The following NAA60 variants were observed in gnomAD, a reference collection of about 807,000 sequenced individuals.
NAA60 encodes the protein N-alpha-acetyltransferase 60.
NAA60 carries 8 observed loss-of-function variants against 26.1 expected under a neutral mutation model. The ratio of observed to expected loss-of-function variants is 0.31; its 90% CI spans 0.18 to 0.55. The LOEUF is 0.55. Among genes scored for constraint, NAA60 ranks in the 20% least tolerant of loss-of-function variants. The probability of loss-of-function intolerance (pLI) is 0.93; values close to 1 mark genes in which losing one functional copy is unlikely to be tolerated. For synonymous variants in NAA60, 131 were observed against 122.5 expected (o/e 1.07, Z -0.46); for missense variants, 290 against 311.3 (o/e 0.93, Z 0.51).
chr16:3,451,043 G>C (rs915951165), intron 2 of NAA60, among the ~76,000 whole-genome samples: 1 of 152,190 alleles, frequency 6.6e-6, no homozygotes, highest in African/African-American at 2.4e-5. Flanking sequence ...CATTTACTCT[G>C]TTCCATTCTA....
In NAA60 at chr16:3,449,426, G is replaced by A. The variant is rs570520373; in HGVS notation, c.-7+886G>A. Among the ~76,000 whole-genome samples, 6 of 152,256 alleles carry A rather than the reference G, an allele frequency of 3.9e-5. No individual in the cohort carries two copies. The East Asian group carries it at 1.2e-3, about 29-fold the overall frequency. On this transcript the variant is annotated intron_variant, in intron 2 of 7. Coordinates refer to ENST00000407558, the MANE Select transcript of NAA60 (RefSeq NM_001083601.3). ...CCAGCTACTTGGGAGGCTGAGGCAG[G>A]AGAATGGTGTGAACCTGGGAGGTGA... is the stretch of plus-strand genomic sequence containing the variant.
Position 3,478,880 on chromosome 16 carries a change from A to G in NAA60, c.111-591A>G, listed in dbSNP as rs567532763. ...ATCTTCACTCACCTGGTGGAGGAACAGGGCCCTGCTGCTGACTCTCCATGA... is the reference window on the plus strand; with the variant it reads ...ATCTTCACTCACCTGGTGGAGGAACGGGGCCCTGCTGCTGACTCTCCATGA... On this transcript the variant is annotated intron_variant, in intron 3 of 7. Coordinates refer to ENST00000407558, the MANE Select transcript of NAA60 (RefSeq NM_001083601.3). Among the ~76,000 whole-genome samples the G allele has an allele frequency of 2.0e-5, 3 of 152,278 alleles. No individual in the cohort carries two copies. The South Asian group carries it at 6.2e-4, about 32-fold the overall frequency.
At chr16:3,470,458 G>A (rs562854135) in intron 2 of NAA60, among the ~76,000 whole-genome samples, 1 of 152,342 alleles carries the variant, frequency 6.6e-6, no homozygotes, top group African/African-American at 2.4e-5. Flanking sequence ...ATGACCCAGG[G>A]CGTCAGCAGG....
rs951275287 is a variant in NAA60 at position 3,448,299 on chromosome 16, G to C, written c.-76-172G>C. ...AAAAAAAAAAAAAAAAAAAACATGGGTTGCTTTGTAGTTTAGAGAACTACA... is the reference window on the plus strand; with the variant it reads ...AAAAAAAAAAAAAAAAAAAACATGGCTTGCTTTGTAGTTTAGAGAACTACA... On this transcript the variant is annotated intron_variant, in intron 1 of 7. Coordinates refer to ENST00000407558, the MANE Select transcript of NAA60 (RefSeq NM_001083601.3). Among the ~76,000 whole-genome samples, 3 of 151,022 alleles carry C rather than the reference G, an allele frequency of 2.0e-5. No individual in the cohort carries two copies. The South Asian group carries it at 6.3e-4, about 32-fold the overall frequency.
intron 4 of NAA60, among the ~76,000 whole-genome samples, chr16:3,479,888 C>G (rs1026144116): frequency 6.6e-6 from 1 of 152,172 alleles, no homozygotes; most frequent in African/African-American, 2.4e-5. Flanking sequence ...TCTGCAGTTA[C>G]AACGTGCTAT....
chr16:3,468,653 C>G (rs1439154190), intron 2 of NAA60, among the ~76,000 whole-genome samples: 2 of 152,238 alleles, frequency 1.3e-5, no homozygotes, highest in Non-Finnish European at 2.9e-5. Context: ...CAAGCAGGAT[C>G]AGTGCCTCCC....
intron 7 of NAA60, 149 bp downstream of exon 7, chr16:3,485,210 G>A (rs1270672863): frequency 1.4e-6 from 1 of 695,634 alleles, no homozygotes; most frequent in East Asian, 2.8e-5. Context: ...CAGCCCAGAG[G>A]TTTGGTGACT....
chr16:3,444,659 A>G (rs972383789), intron 1 of NAA60, among the ~76,000 whole-genome samples: 2 of 152,224 alleles, frequency 1.3e-5, no homozygotes, highest in Non-Finnish European at 2.9e-5. Flanking sequence ...CAAGTAACAG[A>G]AAACCCACCG....
At chr16:3,478,882 G>A (rs1033724303) in intron 3 of NAA60, among the ~76,000 whole-genome samples, 1 of 152,060 alleles carries the variant, frequency 6.6e-6, no homozygotes, top group Non-Finnish European at 1.5e-5. Flanking sequence ...GGAGGAACAG[G>A]GCCCTGCTGC....
chr16:3,464,304 C>T (rs577546769), intron 2 of NAA60, among the ~76,000 whole-genome samples: 1 of 152,278 alleles, frequency 6.6e-6, no homozygotes, highest in South Asian at 2.1e-4. Context: ...TGAGCCACCA[C>T]GCCCAGCTAG....
intron 2 of NAA60, chr16:3,456,736 G>GA (rs1278059415): frequency 2.6e-5 from 4 of 152,196 alleles, no homozygotes; most frequent in East Asian, 3.9e-4. Flanking sequence ...TTTTTAAAAG[G>GA]AGAAGATGGC....
At chr16:3,470,381 C>T (rs540755596) in intron 2 of NAA60, among the ~76,000 whole-genome samples, 11 of 152,174 alleles carry the variant, frequency 7.2e-5, no homozygotes, top group East Asian at 1.9e-4. Context: ...ACAGAGCTCC[C>T]GTCACAGCGG....
intron 7 of NAA60, 125 bp from the exon 8 acceptor site, chr16:3,485,342 G>T (rs2037098829): frequency 6.2e-6 from 3 of 486,840 alleles, no homozygotes; most frequent in South Asian, 4.6e-5. Context: ...AGACACCATG[G>T]CCTGGAGAAG....
In NAA60 at chr16:3,486,335, G is replaced by A. The variant is rs1223271967; in HGVS notation, c.*1075G>A. On this transcript the variant is annotated 3_prime_UTR_variant, in exon 8 of 8. Coordinates refer to ENST00000407558, the MANE Select transcript of NAA60 (RefSeq NM_001083601.3). ...GGGGTGGGGTGGGGGGCGGAGTCCC[G>A]CCCAGCATAGCTGCAGTGTCACAAA... The A allele has an allele frequency of 2.6e-5, 4 of 155,160 alleles. No homozygotes were observed. Among genetic ancestry groups the A allele is most frequent in the South Asian group, 4.0e-4 (2 of 5,018 alleles). The allele number at this position is 155,160 out of a possible 1,614,324, so 9.6% of individuals were successfully genotyped here. A position where few individuals can be genotyped will look rare whatever the true frequency, so the allele number is the denominator to read the frequency against.
At chr16:3,445,274 CTCTT>C (rs1186340025) in intron 1 of NAA60, among the ~76,000 whole-genome samples, 3 of 125,528 alleles carry the variant, frequency 2.4e-5, no homozygotes, top group African/African-American at 6.9e-5. Context: ...TTGTGCTTAT[CTCTT>C]TTTTTTTTTT....
intron 6 of NAA60, chr16:3,483,834 C>T (rs2036999319): frequency 7.6e-6 from 4 of 528,308 alleles, no homozygotes; most frequent in Non-Finnish European, 1.3e-5. Context: ...CTCAAATGAT[C>T]CGCCTGCCGC....
intron 2 of NAA60, among the ~76,000 whole-genome samples, chr16:3,475,454 C>T (rs546040733): frequency 6.6e-6 from 1 of 152,208 alleles, no homozygotes; most frequent in African/African-American, 2.4e-5. Flanking sequence ...TTCCCCTTCT[C>T]GGTGCCCAGC....
Position 3,448,487 on chromosome 16 carries a change from A to G in NAA60, c.-60A>G. On this transcript the variant is annotated 5_prime_UTR_variant, in exon 2 of 8. Coordinates refer to ENST00000407558, the MANE Select transcript of NAA60 (RefSeq NM_001083601.3). ...CCCCTGCAGCATACAGAAAGGCTGT[A>G]CCTGGAGGAAGGAAGTGCGGAGCCA... The G allele has an allele frequency of 6.5e-7, 1 of 1,535,566 alleles. No homozygotes were observed. The highest frequency in any genetic ancestry group is 8.7e-7 in the Non-Finnish European group (1 of 1,146,878).
At chr16:3,450,884 C>T (rs1328947926) in intron 2 of NAA60, among the ~76,000 whole-genome samples, 1 of 152,098 alleles carries the variant, frequency 6.6e-6, no homozygotes, top group Non-Finnish European at 1.5e-5. Flanking sequence ...GTTTCATCAT[C>T]TGTAAAATGA....
Sources: allele counts gnomAD v4.1 joint callset (sites outside exome capture counted in the v4.1 genomes callset), GRCh38; gene constraint gnomAD v4.1.1; transcripts MANE v1.5; gene names NCBI Gene and HGNC (gene_info 2026-07-23, HGNC 2026-07-21).